The following KLHL1 variants were observed in gnomAD, a reference collection of about 807,000 sequenced individuals.
The protein encoded by KLHL1 is kelch like family member 1.
KLHL1 carries 47 observed loss-of-function variants against 77.7 expected under a neutral mutation model. The ratio of observed to expected loss-of-function variants is 0.60; its 90% confidence interval spans 0.48 to 0.77. The LOEUF (loss-of-function observed/expected upper bound fraction) is 0.77, where lower values mean the gene tolerates loss of function less well. KLHL1 is among the 30% of genes least tolerant of loss of function. KLHL1 has a pLI of 0.00. For synonymous variants in KLHL1, 360 were observed against 325.2 expected (o/e 1.11, Z -1.15); for missense variants, 925 against 910.8 (o/e 1.02, Z -0.20).
intron 4 of KLHL1, among the ~76,000 whole-genome samples, chr13:69,897,938 C>A (rs1421880385): frequency 6.6e-6 from 1 of 152,216 alleles, no homozygotes; most frequent in South Asian, 2.1e-4. Context: ...CTCAGGTCAA[C>A]AGAACTTCAA....
intron 5 of KLHL1, among the ~76,000 whole-genome samples, chr13:69,871,834 T>G (rs149955396): frequency 6.6e-6 from 1 of 152,012 alleles, no homozygotes; most frequent in Non-Finnish European, 1.5e-5. Flanking sequence ...TTCTTGTCTA[T>G]ATTTCTATCA....
intron 1 of KLHL1, among the ~76,000 whole-genome samples, chr13:70,073,713 G>A (rs1887192520): frequency 6.6e-6 from 1 of 152,104 alleles, no homozygotes; most frequent in African/African-American, 2.4e-5. Context: ...GCAGCTAGAG[G>A]CTGCGGTGAG....
chr13:70,076,783 A>C (rs1887278104), intron 1 of KLHL1, among the ~76,000 whole-genome samples: 2 of 151,966 alleles, frequency 1.3e-5, no homozygotes, highest in South Asian at 4.1e-4. Flanking sequence ...ACTCCAAAAC[A>C]CAACAATGAG....
At chr13:69,979,962 T>C (rs937277053) in intron 1 of KLHL1, among the ~76,000 whole-genome samples, 2 of 152,338 alleles carry the variant, frequency 1.3e-5, no homozygotes, top group South Asian at 2.1e-4. Flanking sequence ...CCTTAATCTA[T>C]TGCAATTCGA....
intron 7 of KLHL1, among the ~76,000 whole-genome samples, chr13:69,743,170 A>T (rs757238728): frequency 6.6e-6 from 1 of 152,172 alleles, no homozygotes; most frequent in Non-Finnish European, 1.5e-5. Flanking sequence ...GATCACTAGG[A>T]TAATTTAATA....
rs537609862 is a variant in KLHL1 at position 70,054,900 on chromosome 13, GA to G, written c.497+52302del. On this transcript the variant is annotated intron_variant, in intron 1 of 10. Transcript: ENST00000377844. ...AGAGGAGACAAAAGAAAAAAATAATGAAAAAAAGGAAATACATGTGAAAGAA... is the reference window on the plus strand; with the variant it reads ...AGAGGAGACAAAAGAAAAAAATAATGAAAAAAGGAAATACATGTGAAAGAA... Among the ~76,000 whole-genome samples, 75 of 151,526 alleles carry G rather than the reference GA, an allele frequency of 4.9e-4. 1 individual carries two copies. In the South Asian group the frequency reaches 0.015, roughly 30 times the overall value.
At chr13:69,753,925 C>T (rs1159984418) in intron 7 of KLHL1, among the ~76,000 whole-genome samples, 1 of 152,202 alleles carries the variant, frequency 6.6e-6, no homozygotes, top group East Asian at 1.9e-4. Context: ...CATCCTTGAC[C>T]TCCCAGGCTC....
At chr13:69,794,173 G>C (rs1230384945) in intron 7 of KLHL1, among the ~76,000 whole-genome samples, 1 of 152,160 alleles carries the variant, frequency 6.6e-6, no homozygotes, top group Middle Eastern at 3.2e-3. Flanking sequence ...TGTGCAAATG[G>C]AAGTAAATAG....
intron 7 of KLHL1, among the ~76,000 whole-genome samples, chr13:69,791,870 A>C (rs73210500): frequency 0.019 from 2,876 of 152,304 alleles, 64 homozygotes; most frequent in Middle Eastern, 0.048. Context: ...CATAGATTAG[A>C]AAATAATTTT....
At chr13:70,036,231 T>C (rs1886235937) in intron 1 of KLHL1, among the ~76,000 whole-genome samples, 1 of 151,946 alleles carries the variant, frequency 6.6e-6, no homozygotes, top group African/African-American at 2.4e-5. Flanking sequence ...CTAGGGTTAC[T>C]AGTTTTATTT....
chr13:69,838,053 A>C (rs1879097727), intron 6 of KLHL1, among the ~76,000 whole-genome samples: 2 of 151,700 alleles, frequency 1.3e-5, no homozygotes. Flanking sequence ...CAGCCATAGG[A>C]TATCCTTTTG....
chr13:70,030,218 T>C (rs544677304), intron 1 of KLHL1, among the ~76,000 whole-genome samples: 1 of 152,118 alleles, frequency 6.6e-6, no homozygotes, highest in Non-Finnish European at 1.5e-5. Context: ...GTCCAGGAAT[T>C]GAACTCAGCT....
intron 1 of KLHL1, among the ~76,000 whole-genome samples, chr13:70,035,001 A>G (rs1029529768): frequency 6.6e-6 from 1 of 152,114 alleles, no homozygotes; most frequent in African/African-American, 2.4e-5. Flanking sequence ...TACAAATATT[A>G]ATATTTGTGG....
At chr13:69,772,259 G>A (rs1257536232) in intron 7 of KLHL1, among the ~76,000 whole-genome samples, 1 of 151,736 alleles carries the variant, frequency 6.6e-6, no homozygotes, top group African/African-American at 2.4e-5. Flanking sequence ...TTATAATAAT[G>A]TACATATTTT....
chr13:69,782,332 C>A (rs12858688), intron 7 of KLHL1, among the ~76,000 whole-genome samples: 1 of 152,162 alleles, frequency 6.6e-6, no homozygotes, highest in Admixed American at 6.5e-5. Context: ...GTGGGTGCAG[C>A]GCACCGTGTG....
At chr13:69,861,137 T>C in intron 5 of KLHL1, among the ~76,000 whole-genome samples, 1 of 152,094 alleles carries the variant, frequency 6.6e-6, no homozygotes, top group Admixed American at 6.6e-5. Flanking sequence ...AATATTATTT[T>C]ATGTGATACT....
In KLHL1 at chr13:70,107,203, C is replaced by T; in HGVS notation, c.497G>A (p.Arg166Lys). The stretch of plus-strand genomic sequence containing the variant: ...GAAGCCCCGTGGGGACTTACTGTAC[C>T]TGTGTCCACATCCTTCACCTGTTGC... ...SQATGEGCGHRLSSTGHSMTP... is the reference protein window; with the variant it reads ...SQATGEGCGHKLSSTGHSMTP... Residue 166 changes from arginine (R) to lysine (K), a missense_variant and splice_region_variant, in exon 1 of 11, where the codon AGG (arginine) becomes AAG (lysine). Transcript: ENST00000377844. 6.2e-7 allele frequency: 1 copy of T among 1,603,238 alleles called. No homozygotes were observed. The highest frequency in any genetic ancestry group is 8.5e-7 in the Non-Finnish European group (1 of 1,174,270).
At chr13:69,901,859 G>A (rs1414412890) in intron 4 of KLHL1, among the ~76,000 whole-genome samples, 6 of 139,748 alleles carry the variant, frequency 4.3e-5, no homozygotes, top group South Asian at 2.2e-4. Flanking sequence ...GTGCAATGGC[G>A]CCATCTTGGC....
chr13:70,024,551 TTA>T (rs1370969153), intron 1 of KLHL1, among the ~76,000 whole-genome samples: 2 of 151,416 alleles, frequency 1.3e-5, no homozygotes, highest in African/African-American at 2.4e-5. Flanking sequence ...GTCTTTTTAG[TTA>T]GTATTCAGGA....
Sources: gnomAD v4.1 joint callset for allele counts (sites outside exome capture counted in the v4.1 genomes callset) on GRCh38, gnomAD v4.1.1 for gene constraint, MANE v1.5 for transcripts, NCBI Gene and HGNC (gene_info 2026-07-23, HGNC 2026-07-21) for gene names.